Variants in DSC2 observed in about 807,000 individuals in gnomAD.
DSC2 encodes desmocollin-2.
In DSC2, 51 loss-of-function variants were observed where a neutral mutation model predicts 87.6. That is an observed-to-expected ratio of 0.58 (90% confidence interval 0.46 to 0.74). The LOEUF (loss-of-function observed/expected upper bound fraction) is 0.74, where lower values mean the gene tolerates loss of function less well. DSC2 is among the 30% of genes least tolerant of loss of function. DSC2 has a pLI of 0.00. For missense variants in DSC2, 1,066 were observed against 1,089.5 expected (o/e 0.98, Z 0.30); for synonymous variants, 383 against 393.2 (o/e 0.97, Z 0.31).
Position 31,089,463 on chromosome 18 carries a change from A to C in DSC2, c.606T>G (p.Asp202Glu). 6.2e-7 allele frequency: 1 copy of C among 1,613,898 alleles called. No individual in the cohort carries two copies. The highest frequency in any genetic ancestry group is 8.5e-7 in the Non-Finnish European group (1 of 1,179,882). Residue 202 changes from aspartate (D) to glutamate (E), a missense_variant, in exon 5 of 16, where the codon GAT becomes GAG. Asp to Glu is a conservative substitution (Grantham distance 45). Coordinates refer to ENST00000280904, the MANE Select transcript of DSC2 (RefSeq NM_024422.6). ...TGNLYCTRPV[D>E]REQYESFEII... ...CCTCAAAAGATTCATACTGCTCACG[A>C]TCTACAGGACGAGTACAATACAAGT...
In DSC2 at chr18:31,093,591, G is replaced by A. The variant is rs772104020; in HGVS notation, c.122C>T (p.Ser41Phe). 1.2e-6 allele frequency: 2 copies of A among 1,605,786 alleles called. No homozygotes were observed. Among genetic ancestry groups the A allele is most frequent in the South Asian group, 2.2e-5 (2 of 90,824 alleles). ...AACAAGTTTCTCGGCATCTAGTTTG[G>A]AGGGAACATGTAATGTCACATTTTT... Reference protein sequence around the residue: ...ACKNVTLHVPSKLDAEKLVGR... With the variant: ...ACKNVTLHVPFKLDAEKLVGR... Residue 41 changes from serine (S) to phenylalanine (F), a missense_variant, in exon 2 of 16, where the codon TCC becomes TTC. Coordinates refer to ENST00000280904, the MANE Select transcript of DSC2 (RefSeq NM_024422.6).
At chr18:31,093,901 G>A (rs190008160) in intron 1 of DSC2, among the ~76,000 whole-genome samples, 5 of 150,734 alleles carry the variant, frequency 3.3e-5, no homozygotes, top group East Asian at 3.9e-4. Flanking sequence ...ATAAAATATT[G>A]GAGATAAAAT....
intron 12 of DSC2, among the ~76,000 whole-genome samples, chr18:31,072,187 A>G (rs1986858862): frequency 6.6e-6 from 1 of 152,232 alleles, no homozygotes; most frequent in African/African-American, 2.4e-5. Flanking sequence ...TAATTAAACC[A>G]GTGAGTGTAC....
At chr18:31,079,226 AGTTTTGTTTTTGTTTTT>A (rs1237924857) in intron 11 of DSC2, among the ~76,000 whole-genome samples, 5 of 151,998 alleles carry the variant, frequency 3.3e-5, no homozygotes, top group Non-Finnish European at 5.9e-5. Context: ...AACTGAAACA[AGTTTTGTTTTTGTTTTT>A]GTTTTGTTTT....
In DSC2 at chr18:31,059,175, G is replaced by A. The variant is rs971466421; in HGVS notation, c.*8840C>T. On this transcript the variant is annotated 3_prime_UTR_variant, in exon 16 of 16. Transcript: ENST00000280904. ...GATGCATTGTGCAAAGATTAACTGT[G>A]ATTGTGTCTACTACAGGAGAAATAA... The A allele has an allele frequency of 1.3e-5, 2 of 152,190 alleles. No homozygotes were observed. The highest frequency in any genetic ancestry group is 2.9e-5 in the Non-Finnish European group (2 of 68,030). 9.4% of individuals were successfully genotyped at this position (152,190 alleles called of 1,614,324 possible). A position where few individuals can be genotyped will look rare whatever the true frequency, so the allele number is the denominator to read the frequency against.
intron 1 of DSC2, among the ~76,000 whole-genome samples, chr18:31,096,236 TC>T (rs1465396901): frequency 6.6e-6 from 1 of 152,112 alleles, no homozygotes; most frequent in Non-Finnish European, 1.5e-5. Flanking sequence ...TAATTAAAAA[TC>T]AGGGATAACA....
intron 5 of DSC2, among the ~76,000 whole-genome samples, chr18:31,088,238 G>A (rs1170249379): frequency 1.3e-5 from 2 of 152,104 alleles, no homozygotes; most frequent in African/African-American, 4.8e-5. Context: ...AGTTAACTGG[G>A]ATATTATCCT....
chr18:31,091,073 C>T lies in DSC2; in HGVS notation c.429G>A (p.Ser143=), dbSNP rs542638302. ...AKRRWAPIPC[S]MLENSLGPFP... ...AAGGACCCAAGGAGTTTTCTAGCATCGAACAAGGAATTGGAGCCCATCTTC... is the reference window on the plus strand; with the variant it reads ...AAGGACCCAAGGAGTTTTCTAGCATTGAACAAGGAATTGGAGCCCATCTTC... The change falls in exon 4 of 16, where the codon TCG becomes TCA. Residue 143 remains serine (S), a synonymous_variant. Coordinates refer to ENST00000280904, the MANE Select transcript of DSC2 (RefSeq NM_024422.6). 5.0e-6 allele frequency: 8 copies of T among 1,613,970 alleles called. No homozygotes were observed. Among genetic ancestry groups the T allele is most frequent in the East Asian group, 2.2e-5 (1 of 44,858 alleles).
At chr18:31,080,022 T>G (rs768703691) in intron 10 of DSC2, 33 bp from the exon 11 acceptor site, 17 of 1,610,510 alleles carry the variant, frequency 1.1e-5, no homozygotes, top group Non-Finnish European at 1.4e-5. Context: ...ATAATAAAAT[T>G]TATCATATGC....
intron 4 of DSC2, among the ~76,000 whole-genome samples, chr18:31,090,547 T>A (rs1987556655): frequency 6.6e-6 from 1 of 151,236 alleles, no homozygotes; most frequent in Non-Finnish European, 1.5e-5. Context: ...CATAGTGAGA[T>A]CTCATCGCTA....
Position 31,068,209 on chromosome 18 carries a change from C to G in DSC2, c.2512G>C (p.Val838Leu). The change falls in exon 16 of 16, where the codon GTG becomes CTG. Residue 838 changes from valine to leucine, a missense_variant. Physicochemically the swap from Val to Leu is conservative, Grantham distance 32. Coordinates refer to ENST00000280904, the MANE Select transcript of DSC2 (RefSeq NM_024422.6). ...TTTTCATCTTGATTACACAGATACA[C>G]TTTCTGCCAAGGGGAAAAACACAAC... The part of the protein sequence containing the change: ...SFTQPRLGEK[V>L]YLCNQDENHK... 2 of 1,614,062 alleles carry G rather than the reference C, an allele frequency of 1.2e-6. No homozygotes were observed. Among genetic ancestry groups the G allele is most frequent in the Non-Finnish European group, 1.7e-6 (2 of 1,179,984 alleles).
intron 1 of DSC2, among the ~76,000 whole-genome samples, chr18:31,098,128 TGAA>T (rs1338830429): frequency 6.6e-6 from 1 of 152,202 alleles, no homozygotes; most frequent in Non-Finnish European, 1.5e-5. Context: ...TTTTTCGCCA[TGAA>T]GAAGTATGTA....
chr18:31,101,091 G>T (rs539844995), intron 1 of DSC2: 557 of 661,312 alleles, frequency 8.4e-4, no homozygotes, highest in Non-Finnish European at 1.0e-3. Flanking sequence ...GGCGCGGGGG[G>T]CGGGTGGTGA....
intron 12 of DSC2, among the ~76,000 whole-genome samples, chr18:31,074,136 C>T (rs1441130393): frequency 2.0e-5 from 3 of 152,192 alleles, no homozygotes; most frequent in Admixed American, 1.3e-4. Flanking sequence ...CCCTGGGGTT[C>T]ACTGAGGTTG....
intron 1 of DSC2, among the ~76,000 whole-genome samples, chr18:31,100,168 TGA>T (rs1341627450): frequency 6.6e-6 from 1 of 152,160 alleles, no homozygotes; most frequent in East Asian, 1.9e-4. Flanking sequence ...ACCAGCAGAA[TGA>T]GAGTGTAGGC....
At position 31,068,133 on chromosome 18, in the gene DSC2, C is replaced by G; in HGVS notation, c.2588G>C (p.Gly863Ala). The G allele has an allele frequency of 6.2e-7, 1 of 1,614,080 alleles. No individual in the cohort carries two copies. The highest frequency in any genetic ancestry group is 1.3e-5 in the African/African-American group (1 of 75,038). Residue 863 changes from glycine (G) to alanine (A), a missense_variant, in exon 16 of 16, where the codon GGA becomes GCA. Physicochemically the swap from Gly to Ala is moderately conservative, Grantham distance 60. Transcript: ENST00000280904. ...ACAACCTACAGACCCAGCCACCGAT[C>G]CTCTTCCTTCATAGTTATATGTCAG... The part of the protein sequence containing the change: ...YVLTYNYEGR[G>A]SVAGSVGCCS...
chr18:31,102,413 G>T lies in DSC2; in HGVS notation c.-442C>A. On this transcript the variant is annotated 5_prime_UTR_variant, in exon 1 of 16. Coordinates refer to ENST00000280904, the MANE Select transcript of DSC2 (RefSeq NM_024422.6). ...TAACAGCCGGCCCTGCCCAGCAGAA[G>T]CCCTGACTGCACAAAGACTCACTCC... is the stretch of plus-strand genomic sequence containing the variant. 1 of 158,536 alleles carries T rather than the reference G, an allele frequency of 6.3e-6. No individual in the cohort carries two copies. The highest frequency in any genetic ancestry group is 1.4e-5 in the Non-Finnish European group (1 of 72,574). 9.8% of individuals were successfully genotyped at this position (158,536 alleles called of 1,614,324 possible). A position where few individuals can be genotyped will look rare whatever the true frequency, so the allele number is the denominator to read the frequency against.
intron 9 of DSC2, among the ~76,000 whole-genome samples, 193 bp from the exon 10 acceptor site, chr18:31,080,545 C>T (rs1280412285): frequency 6.6e-6 from 1 of 152,082 alleles, no homozygotes; most frequent in Non-Finnish European, 1.5e-5. Context: ...AATTGTAATT[C>T]CCAATGTTGG....
At chr18:31,090,652 T>C (rs1484312513) in intron 4 of DSC2, among the ~76,000 whole-genome samples, 1 of 152,098 alleles carries the variant, frequency 6.6e-6, no homozygotes, top group African/African-American at 2.4e-5. Flanking sequence ...GAACAAGAAA[T>C]AGAAAGATAG....
Sources: allele counts gnomAD v4.1 joint callset (sites outside exome capture counted in the v4.1 genomes callset), GRCh38; gene constraint gnomAD v4.1.1; transcripts MANE v1.5; gene names NCBI Gene and HGNC (gene_info 2026-07-23, HGNC 2026-07-21).